Variants in NRXN1 observed in about 807,000 individuals in gnomAD.
NRXN1 encodes the protein neurexin-1.
In NRXN1, 39 loss-of-function variants were observed where a neutral mutation model predicts 150.9. The ratio of observed to expected loss-of-function variants is 0.26; its 90% CI spans 0.20 to 0.34. NRXN1 has a LOEUF of 0.34. Ranked by LOEUF, NRXN1 falls within the 10% of genes least tolerant of loss-of-function variation. The pLI, the probability that NRXN1 is intolerant of heterozygous loss-of-function variation, is 1.00. For synonymous variants in NRXN1, 924 were observed against 757.0 expected (o/e 1.22, Z -3.62); for missense variants, 1,815 against 1,949.9 (o/e 0.93, Z 1.30).
At position 50,962,791 on chromosome 2, in the gene NRXN1, G is replaced by A. The variant is rs528229964; in HGVS notation, c.773-36836C>T. Among the ~76,000 whole-genome samples, 3 of 151,172 alleles carry A rather than the reference G, an allele frequency of 2.0e-5. No homozygotes were observed. In the East Asian group the frequency reaches 5.8e-4, roughly 29 times the overall value. On this transcript the variant is annotated intron_variant, in intron 2 of 22. Transcript: ENST00000401669. ...CAGTTCTGTGTTCAATTAAATTTTC[G>A]CTCCCAAATGATCTCAATTTTCCAG...
At chr2:51,025,551 G>C (rs1670311643) in intron 2 of NRXN1, among the ~76,000 whole-genome samples, 1 of 152,132 alleles carries the variant, frequency 6.6e-6, no homozygotes, top group Non-Finnish European at 1.5e-5. Flanking sequence ...TTTAAGGAAG[G>C]AAGCTATATT....
At chr2:50,601,367 T>G (rs1260546788) in intron 8 of NRXN1, among the ~76,000 whole-genome samples, 2 of 152,188 alleles carry the variant, frequency 1.3e-5, no homozygotes, top group Non-Finnish European at 2.9e-5. Flanking sequence ...GATCTGTTCT[T>G]CAAGTAGTAT....
intron 17 of NRXN1, among the ~76,000 whole-genome samples, chr2:50,252,759 A>C (rs769313814): frequency 2.6e-5 from 4 of 152,060 alleles, no homozygotes; most frequent in Non-Finnish European, 5.9e-5. Context: ...TGAGATCTCT[A>C]AACTGTTCCA....
At chr2:50,732,285 G>A (rs2105209149) in intron 5 of NRXN1, among the ~76,000 whole-genome samples, 1 of 152,244 alleles carries the variant, frequency 6.6e-6, no homozygotes, top group Non-Finnish European at 1.5e-5. Context: ...AATGAAGGGA[G>A]AGAAAATAAA....
chr2:50,059,832 G>GA (rs1694234306), intron 19 of NRXN1, among the ~76,000 whole-genome samples: 1 of 152,206 alleles, frequency 6.6e-6, no homozygotes, highest in Non-Finnish European at 1.5e-5. Context: ...TGGGTGCAAA[G>GA]AAGTCAAGTA....
At chr2:50,758,674 G>A (rs1160851316) in intron 5 of NRXN1, among the ~76,000 whole-genome samples, 1 of 151,826 alleles carries the variant, frequency 6.6e-6, no homozygotes, top group Non-Finnish European at 1.5e-5. Context: ...AATTCGACTG[G>A]TGGCTCATTG....
At chr2:50,984,376 G>T (rs1274475848) in intron 2 of NRXN1, among the ~76,000 whole-genome samples, 2 of 151,720 alleles carry the variant, frequency 1.3e-5, no homozygotes, top group African/African-American at 4.8e-5. Flanking sequence ...ACAAAAAGAA[G>T]AATATATAAC....
chr2:50,778,460 C>T (rs1198029042), intron 5 of NRXN1, among the ~76,000 whole-genome samples: 1 of 152,076 alleles, frequency 6.6e-6, no homozygotes, highest in African/African-American at 2.4e-5. Flanking sequence ...TCGAGAATAA[C>T]AATATGGGGC....
At chr2:50,404,544 C>T (rs978481350) in intron 17 of NRXN1, among the ~76,000 whole-genome samples, 14 of 152,076 alleles carry the variant, frequency 9.2e-5, no homozygotes, top group Admixed American at 2.6e-4. Flanking sequence ...ACCCAGGTAC[C>T]TTTCTGGGTC....
intron 5 of NRXN1, among the ~76,000 whole-genome samples, chr2:50,808,450 A>C (rs565613895): frequency 1.3e-5 from 2 of 152,188 alleles, no homozygotes; most frequent in African/African-American, 4.8e-5. Context: ...TAAGAGATAT[A>C]GCTTTTAATA....
chr2:50,340,501 C>T (rs929662151), intron 17 of NRXN1, among the ~76,000 whole-genome samples: 2 of 152,056 alleles, frequency 1.3e-5, no homozygotes, highest in Non-Finnish European at 2.9e-5. Flanking sequence ...CTCCTGTGCA[C>T]CTAAGTAAGC....
chr2:50,504,077 T>G (rs2092096200), intron 13 of NRXN1, among the ~76,000 whole-genome samples: 1 of 137,880 alleles, frequency 7.3e-6, no homozygotes, highest in Non-Finnish European at 1.5e-5. Context: ...GTTAATGTGA[T>G]GAAAAACAAA....
intron 18 of NRXN1, among the ~76,000 whole-genome samples, chr2:50,232,664 C>T (rs989028043): frequency 6.6e-6 from 1 of 151,922 alleles, no homozygotes; most frequent in East Asian, 1.9e-4. Context: ...GGATTACAGG[C>T]GTGAGCCACT....
intron 5 of NRXN1, among the ~76,000 whole-genome samples, chr2:50,870,029 A>T (rs1311026252): frequency 6.6e-6 from 1 of 151,876 alleles, no homozygotes; most frequent in Non-Finnish European, 1.5e-5. Flanking sequence ...TCATTTCTAC[A>T]TTCTAGGTAC....
At chr2:50,434,048 T>A in intron 17 of NRXN1, among the ~76,000 whole-genome samples, 2 of 99,734 alleles carry the variant, frequency 2.0e-5, no homozygotes, top group African/African-American at 4.8e-5. Flanking sequence ...AAGCCATTTT[T>A]TTTTTTTTTT....
At position 50,598,662 on chromosome 2, in the gene NRXN1, A is replaced by C. The variant is rs534462741; in HGVS notation, c.1320+21360T>G. Among the ~76,000 whole-genome samples, 12 of 147,562 alleles carry C rather than the reference A, an allele frequency of 8.1e-5. No individual in the cohort carries two copies. The South Asian group carries it at 8.4e-4, about 10-fold the overall frequency. On this transcript the variant is annotated intron_variant, in intron 8 of 22. Coordinates refer to ENST00000401669, the MANE Select transcript of NRXN1 (RefSeq NM_001330078.2). The stretch of plus-strand genomic sequence containing the variant: ...TATGTGTGTGTATCTATATACATAT[A>C]TATTCATATATATGTGTATGTATAT...
At chr2:50,391,847 T>A (rs1572800916) in intron 17 of NRXN1, among the ~76,000 whole-genome samples, 1 of 152,162 alleles carries the variant, frequency 6.6e-6, no homozygotes, top group East Asian at 1.9e-4. Context: ...TCTCTTCTCT[T>A]TTTACATGCA....
intron 15 of NRXN1, among the ~76,000 whole-genome samples, chr2:50,474,611 T>C (rs1392273242): frequency 7.2e-6 from 1 of 138,262 alleles, no homozygotes; most frequent in East Asian, 2.2e-4. Flanking sequence ...CCTTAGACAG[T>C]CTCACACAAC....
chr2:50,975,841 A>G (rs1421872141), intron 2 of NRXN1, among the ~76,000 whole-genome samples: 1 of 152,080 alleles, frequency 6.6e-6, no homozygotes, highest in Admixed American at 6.6e-5. Context: ...GGGAAGGGCT[A>G]ACCCAAGAGC....
Sources: gnomAD v4.1 joint callset for allele counts (sites outside exome capture counted in the v4.1 genomes callset) on GRCh38, gnomAD v4.1.1 for gene constraint, MANE v1.5 for transcripts, NCBI Gene and HGNC (gene_info 2026-07-23, HGNC 2026-07-21) for gene names.